TAS1R1: variants seen among roughly 807,000 people sequenced by gnomAD.
The protein encoded by TAS1R1 is taste 1 receptor member 1.
In TAS1R1, 31 loss-of-function variants were observed where a neutral mutation model predicts 45.8. That is an observed-to-expected ratio of 0.68 (90% confidence interval 0.51 to 0.91). The LOEUF is 0.91. TAS1R1 is among the 40% of genes least tolerant of loss of function. The probability of loss-of-function intolerance (pLI) is 0.00; values close to 1 mark genes in which losing one functional copy is unlikely to be tolerated. For synonymous variants in TAS1R1, 437 were observed against 448.4 expected, an observed-to-expected ratio of 0.97 and a Z score of 0.32; for missense variants, 1,051 against 1,063.9, an observed-to-expected ratio of 0.99 and a Z score of 0.17.
At chr1:6,564,358 T>C (rs1157828278) in intron 1 of TAS1R1, among the ~76,000 whole-genome samples, 3 of 151,936 alleles carry the variant, frequency 2.0e-5, no homozygotes, top group Admixed American at 2.0e-4. Context: ...AGATGGTGGA[T>C]GAGAGAGAGT....
At position 6,576,643 on chromosome 1, in the gene TAS1R1, C is replaced by G. The variant is rs200951242; in HGVS notation, c.1473+16C>G. On this transcript the variant is annotated intron_variant, in intron 4 of 5. Coordinates refer to ENST00000333172, the MANE Select transcript of TAS1R1 (RefSeq NM_138697.4). ...GGACAACCAGGTAATGGGGATGTGG[C>G]TACTCACCATGTAACTGGCTTATGG... 117 of 1,610,402 alleles carry G rather than the reference C, an allele frequency of 7.3e-5. 1 individual carries two copies. The Middle Eastern group carries it at 1.1e-3, about 16-fold the overall frequency.
At chr1:6,556,836 C>T (rs1263549307) in intron 1 of TAS1R1, among the ~76,000 whole-genome samples, 2 of 151,862 alleles carry the variant, frequency 1.3e-5, no homozygotes, top group Non-Finnish European at 2.9e-5. Flanking sequence ...TAGTGAAACC[C>T]TGTCTCTACA....
chr1:6,555,581 C>A lies in TAS1R1; in HGVS notation c.191+17C>A. ...GTGTGACAGGTGAGTGAGGGGCCAG[C>A]AGAGCCACACTTAGTGGGACCCCTG... On this transcript the variant is annotated intron_variant, in intron 1 of 5. Transcript: ENST00000333172. 6.5e-7 allele frequency: 1 copy of A among 1,538,186 alleles called. No individual in the cohort carries two copies. Among genetic ancestry groups the A allele is most frequent in the Non-Finnish European group, 8.8e-7 (1 of 1,136,888 alleles).
chr1:6,558,923 G>A (rs183850746), intron 1 of TAS1R1, among the ~76,000 whole-genome samples: 1,115 of 104,250 alleles, frequency 0.011, 11 homozygotes, highest in African/African-American at 0.036. Flanking sequence ...ATGGAGTCTC[G>A]CTCTGTCGCC....
At chr1:6,570,857 T>C (rs998382959) in intron 1 of TAS1R1, 52 bp from the exon 2 acceptor site, 1 of 1,506,318 alleles carries the variant, frequency 6.6e-7, no homozygotes, top group Non-Finnish European at 9.0e-7. Context: ...GGCCAGAGGG[T>C]CTCAGCAGGC....
chr1:6,574,585 G>C lies in TAS1R1; in HGVS notation c.499-46G>C, dbSNP rs1462575132. 1 of 1,558,508 alleles carries C rather than the reference G, an allele frequency of 6.4e-7. No individual in the cohort carries two copies. Among genetic ancestry groups the C allele is most frequent in the Admixed American group, 1.8e-5 (1 of 56,290 alleles). On this transcript the variant is annotated intron_variant, in intron 2 of 5. Transcript: ENST00000333172. This position sits in a 1 kb window ranked among gnomAD's most constrained non-coding sequence, Gnocchi z 4.3. ...ACCCAGCACAGGGCCAGGCACTGGGGGGGCCTTCAGTGGAGACTGAAATGG... is the reference window on the plus strand; with the variant it reads ...ACCCAGCACAGGGCCAGGCACTGGGCGGGCCTTCAGTGGAGACTGAAATGG...
chr1:6,557,029 A>AC (rs1324016102), intron 1 of TAS1R1, among the ~76,000 whole-genome samples: 1 of 131,346 alleles, frequency 7.6e-6, no homozygotes, highest in African/African-American at 2.8e-5. Flanking sequence ...AAAAAAAAAA[A>AC]GACGAAGACA....
chr1:6,555,668 G>C lies in TAS1R1; in HGVS notation c.191+104G>C, dbSNP rs189402325. On this transcript the variant is annotated intron_variant, in intron 1 of 5. Transcript: ENST00000333172. ...GACCTTGCCTCTGCCTTTGCCCCTTGAACTGTCCCCAGGCCTTGTTCATCA... is the reference window on the plus strand; with the variant it reads ...GACCTTGCCTCTGCCTTTGCCCCTTCAACTGTCCCCAGGCCTTGTTCATCA... 660 of 1,120,980 alleles carry C rather than the reference G, an allele frequency of 5.9e-4. 8 individuals carry two copies. In the East Asian group the frequency reaches 0.014, roughly 25 times the overall value. The allele number at this position is 1,120,980 out of a possible 1,614,324, so 69.4% of individuals were successfully genotyped here.
At chr1:6,572,018 TGGATCCTTCCCCATG>T (rs1216129626) in intron 2 of TAS1R1, among the ~76,000 whole-genome samples, 1 of 152,156 alleles carries the variant, frequency 6.6e-6, no homozygotes, top group Non-Finnish European at 1.5e-5. Context: ...CCTTGGCTTA[TGGATCCTTCCCCATG>T]GGTTCCTGCC....
Position 6,579,614 on chromosome 1 carries a change from C to G in TAS1R1, c.*30C>G, listed in dbSNP as rs1362145075. On this transcript the variant is annotated 3_prime_UTR_variant, in exon 6 of 6. Coordinates refer to ENST00000333172, the MANE Select transcript of TAS1R1 (RefSeq NM_138697.4). ...TGGGTCAGCAGGCACGGCTGGCAGCCTTCTCTGCCCTGAGGGTCGAAGGTC... is the reference window on the plus strand; with the variant it reads ...TGGGTCAGCAGGCACGGCTGGCAGCGTTCTCTGCCCTGAGGGTCGAAGGTC... The G allele has an allele frequency of 1.9e-6, 3 of 1,576,718 alleles. No homozygotes were observed. The highest frequency in any genetic ancestry group is 8.6e-7 in the Non-Finnish European group (1 of 1,165,624).
At chr1:6,558,310 A>G (rs1639722352) in intron 1 of TAS1R1, among the ~76,000 whole-genome samples, 4 of 152,120 alleles carry the variant, frequency 2.6e-5, no homozygotes, top group Admixed American at 2.6e-4. Context: ...CCAGAGTGCT[A>G]AGATTATAGG....
chr1:6,556,203 T>C lies in TAS1R1; in HGVS notation c.191+639T>C, dbSNP rs1307629118. On this transcript the variant is annotated intron_variant, in intron 1 of 5. Coordinates refer to ENST00000333172, the MANE Select transcript of TAS1R1 (RefSeq NM_138697.4). ...CCCTCTTCTATCTTCTCTCCACTCC[T>C]ACCCATGTTCAAAGTTCCCTAGAGT... Among the ~76,000 whole-genome samples the C allele has an allele frequency of 2.6e-5, 4 of 152,024 alleles. No individual in the cohort carries two copies. In the East Asian group the frequency reaches 7.8e-4, roughly 30 times the overall value.
intron 1 of TAS1R1, among the ~76,000 whole-genome samples, chr1:6,564,291 C>T (rs1639836754): frequency 6.6e-6 from 1 of 152,078 alleles, no homozygotes; most frequent in Admixed American, 6.5e-5. Context: ...GAAGGAGAGT[C>T]TGGTCGTGGA....
At chr1:6,561,567 C>T (rs1301675314) in intron 1 of TAS1R1, among the ~76,000 whole-genome samples, 1 of 152,040 alleles carries the variant, frequency 6.6e-6, no homozygotes, top group Non-Finnish European at 1.5e-5. Context: ...AAAAAATTAG[C>T]TGGACATGGT....
In TAS1R1 at chr1:6,579,254, C is replaced by T; in HGVS notation, c.2196C>T (p.Phe732=). ...ETNSLGFILA[F]LYNGLLSISA... ...ACTCCCTGGGCTTCATACTGGCCTTCCTCTACAATGGCCTCCTCTCCATCA... is the reference window on the plus strand; with the variant it reads ...ACTCCCTGGGCTTCATACTGGCCTTTCTCTACAATGGCCTCCTCTCCATCA... Residue 732 remains phenylalanine (F), a synonymous_variant, in exon 6 of 6, where the codon TTC becomes TTT. Transcript: ENST00000333172. 1.9e-6 allele frequency: 3 copies of T among 1,614,216 alleles called. No individual in the cohort carries two copies. The highest frequency in any genetic ancestry group is 2.5e-6 in the Non-Finnish European group (3 of 1,180,042).
chr1:6,561,012 C>T (rs937125953), intron 1 of TAS1R1, among the ~76,000 whole-genome samples: 8 of 118,440 alleles, frequency 6.8e-5, no homozygotes, highest in Non-Finnish European at 1.1e-4. Context: ...AAAAGAGGGG[C>T]GATGTTTATG....
intron 2 of TAS1R1, 95 bp downstream of exon 2, chr1:6,571,310 G>T (rs749650803): frequency 8.2e-5 from 111 of 1,357,270 alleles, no homozygotes; most frequent in Non-Finnish European, 1.1e-4. Context: ...AAGGCTGCCT[G>T]CCCCCTGGAT....
chr1:6,560,673 C>T (rs1211049774), intron 1 of TAS1R1, among the ~76,000 whole-genome samples: 1 of 152,136 alleles, frequency 6.6e-6, no homozygotes, highest in Non-Finnish European at 1.5e-5. Flanking sequence ...TGCCTTCTGA[C>T]TGCTTCTAGC....
chr1:6,565,000 G>T (rs913829106), intron 1 of TAS1R1, among the ~76,000 whole-genome samples: 2 of 151,998 alleles, frequency 1.3e-5, no homozygotes, highest in Non-Finnish European at 2.9e-5. Context: ...TGAATAGGTG[G>T]GGGGAGGAGA....
Sources: allele counts gnomAD v4.1 joint callset (sites outside exome capture counted in the v4.1 genomes callset), GRCh38; gene constraint gnomAD v4.1.1; non-coding constraint Gnocchi (gnomAD v3.1); transcripts MANE v1.5; gene names NCBI Gene and HGNC (gene_info 2026-07-23, HGNC 2026-07-21).